The following UBE2Q2 variants were observed in gnomAD, a reference collection of about 807,000 sequenced individuals.
UBE2Q2 encodes ubiquitin-conjugating enzyme E2 Q2.
UBE2Q2 carries 54 observed loss-of-function variants against 59.9 expected under a neutral mutation model. That is an observed-to-expected ratio of 0.90 (90% CI 0.72 to 1.13). The LOEUF is 1.13. UBE2Q2 is among the 50% of genes most tolerant of loss of function. The probability of loss-of-function intolerance (pLI) is 0.00; values close to 1 mark genes in which losing one functional copy is unlikely to be tolerated. For synonymous variants in UBE2Q2, 165 were observed against 155.2 expected, an observed-to-expected ratio of 1.06 and a Z score of -0.47; for missense variants, 433 against 441.9, an observed-to-expected ratio of 0.98 and a Z score of 0.18.
At chr15:75,861,567 GTTCAT>G (rs1897210382) in intron 3 of UBE2Q2, among the ~76,000 whole-genome samples, 1 of 151,794 alleles carries the variant, frequency 6.6e-6, no homozygotes, top group Non-Finnish European at 1.5e-5. Flanking sequence ...CATTTTATTT[GTTCAT>G]TTTGAAGTGT....
intron 9 of UBE2Q2, among the ~76,000 whole-genome samples, chr15:75,885,642 T>C (rs1044749080): frequency 6.6e-6 from 1 of 152,212 alleles, no homozygotes; most frequent in African/African-American, 2.4e-5. Context: ...GTGATTCCCA[T>C]GTGTTTTCTG....
In UBE2Q2 at chr15:75,843,511, G is replaced by C. The variant is rs999218874; in HGVS notation, c.-156G>C. On this transcript the variant is annotated 5_prime_UTR_variant, in exon 1 of 13. Coordinates refer to ENST00000267938, the MANE Select transcript of UBE2Q2 (RefSeq NM_173469.4). ...ACACGCCGAGGCTTCCGCGCCCCTCGCCATTTTCCAGCAGCGCTCGACGAG... is the reference window on the plus strand; with the variant it reads ...ACACGCCGAGGCTTCCGCGCCCCTCCCCATTTTCCAGCAGCGCTCGACGAG... 1 of 367,508 alleles carries C rather than the reference G, an allele frequency of 2.7e-6. No homozygotes were observed. The allele number at this position is 367,508 out of a possible 1,614,324, so 22.8% of individuals were successfully genotyped here.
intron 11 of UBE2Q2, among the ~76,000 whole-genome samples, chr15:75,892,924 G>T (rs1482889986): frequency 2.0e-5 from 3 of 152,132 alleles, no homozygotes; most frequent in African/African-American, 7.2e-5. Context: ...CACCAGAAGA[G>T]AATTAATTGA....
chr15:75,844,259 C>G, intron 1 of UBE2Q2: 3 of 1,521,032 alleles, frequency 2.0e-6, no homozygotes, highest in East Asian at 4.9e-5. Context: ...GGGAACGGCC[C>G]TTAAGTTTTA....
rs1897641704 is a variant in UBE2Q2, at chr15:75,868,933, ATTCT to A, written c.388-13_388-10del. 1.9e-6 allele frequency: 3 copies of A among 1,612,350 alleles called. No homozygotes were observed. Among genetic ancestry groups the A allele is most frequent in the Non-Finnish European group, 2.5e-6 (3 of 1,178,750 alleles). On this transcript the variant is annotated splice_polypyrimidine_tract_variant and intron_variant, in intron 3 of 12. Coordinates refer to ENST00000267938, the MANE Select transcript of UBE2Q2 (RefSeq NM_173469.4). ...TATTTGTTCTGTATAGCCCTGGCAG[ATTCT>A]TTCTCTGTTTCAGAATGGGACAACA... is the stretch of plus-strand genomic sequence containing the variant.
intron 5 of UBE2Q2, among the ~76,000 whole-genome samples, chr15:75,873,974 C>G (rs965290290): frequency 6.6e-6 from 1 of 152,130 alleles, no homozygotes; most frequent in African/African-American, 2.4e-5. Flanking sequence ...GGATTACAGG[C>G]ATGAGCCACC....
chr15:75,873,921 C>A (rs1009237582), intron 5 of UBE2Q2, among the ~76,000 whole-genome samples: 12 of 152,108 alleles, frequency 7.9e-5, no homozygotes, highest in African/African-American at 2.7e-4. Context: ...TCTTGAACAC[C>A]TGAGTTCAAG....
At chr15:75,882,454 A>C (rs1445729570) in intron 8 of UBE2Q2, among the ~76,000 whole-genome samples, 1 of 152,200 alleles carries the variant, frequency 6.6e-6, no homozygotes, top group Non-Finnish European at 1.5e-5. Context: ...GAACTGTTTA[A>C]AATGAATTAA....
intron 1 of UBE2Q2, among the ~76,000 whole-genome samples, chr15:75,852,524 G>A (rs543095578): frequency 6.6e-6 from 1 of 152,236 alleles, no homozygotes; most frequent in Admixed American, 6.5e-5. Context: ...TGGTTTTGAG[G>A]GGTTTCAGTC....
chr15:75,896,363 A>T (rs72734547), intron 11 of UBE2Q2, among the ~76,000 whole-genome samples: 47,150 of 151,874 alleles, frequency 0.31, 8,252 homozygotes, highest in South Asian at 0.54. Context: ...TAGTGGATAG[A>T]TGGGTACCAC....
chr15:75,847,278 C>G (rs1222187841), intron 1 of UBE2Q2, among the ~76,000 whole-genome samples: 3 of 152,078 alleles, frequency 2.0e-5, no homozygotes, highest in Admixed American at 1.3e-4. Context: ...AAGAATTTGT[C>G]AAAAGTGCAG....
At chr15:75,858,595 G>A (rs1434828985) in intron 2 of UBE2Q2, among the ~76,000 whole-genome samples, 1 of 152,084 alleles carries the variant, frequency 6.6e-6, no homozygotes, top group African/African-American at 2.4e-5. Flanking sequence ...GTGTGTGGGG[G>A]AAGGGAGGAA....
At chr15:75,848,974 T>C (rs1178886060) in intron 1 of UBE2Q2, among the ~76,000 whole-genome samples, 1 of 152,222 alleles carries the variant, frequency 6.6e-6, no homozygotes. Flanking sequence ...CTCAGTTTGC[T>C]TACAATGATG....
At chr15:75,891,810 C>T (rs1899125900) in intron 11 of UBE2Q2, among the ~76,000 whole-genome samples, 1 of 152,120 alleles carries the variant, frequency 6.6e-6, no homozygotes, top group Non-Finnish European at 1.5e-5. Context: ...AGGTTTGTTA[C>T]CATGACTTTT....
At position 75,899,656 on chromosome 15, in the gene UBE2Q2, G is replaced by GAAAT; in HGVS notation, c.*199_*200insAATA. ...TTGCTCATTTTAGATATCTTGGACT[G>GAAAT]AGCAGTGGGGCCTTTACTGTATTTT... On this transcript the variant is annotated 3_prime_UTR_variant, in exon 13 of 13. Coordinates refer to ENST00000267938, the MANE Select transcript of UBE2Q2 (RefSeq NM_173469.4). 2.7e-6 allele frequency: 1 copy of GAAAT among 364,310 alleles called. No homozygotes were observed. The allele number at this position is 364,310 out of a possible 1,614,324, so 22.6% of individuals were successfully genotyped here.
intron 5 of UBE2Q2, 146 bp from the exon 6 acceptor site, chr15:75,876,041 G>C: frequency 1.4e-6 from 1 of 696,624 alleles, no homozygotes; most frequent in Non-Finnish European, 2.3e-6. Context: ...CTCCAGCCTG[G>C]GTAACAGGGC....
At chr15:75,870,478 A>C (rs1488824222) in intron 4 of UBE2Q2, among the ~76,000 whole-genome samples, 1 of 152,244 alleles carries the variant, frequency 6.6e-6, no homozygotes, top group Non-Finnish European at 1.5e-5. Context: ...AATAAACTGC[A>C]TGAAAACATT....
At position 75,854,486 on chromosome 15, in the gene UBE2Q2, T is replaced by C; in HGVS notation, c.281T>C (p.Leu94Ser). 6.2e-7 allele frequency: 1 copy of C among 1,602,540 alleles called. No individual in the cohort carries two copies. The highest frequency in any genetic ancestry group is 2.2e-5 in the East Asian group (1 of 44,642). ...CTAGAAGATACTAAGAACAACAATT[T>C]GGTAAGAAAATAAGCCAAGCTATTT... is the stretch of plus-strand genomic sequence containing the variant. ...ERLEDTKNNN[L>S]LRQQLKWLIC... The change falls in exon 2 of 13, where the codon TTG becomes TCG. Residue 94 changes from leucine to serine, a missense_variant and splice_region_variant. By Grantham distance (145) the Leu-to-Ser change is moderately radical (BLOSUM62 -2). Transcript: ENST00000267938.
At chr15:75,898,637 G>A (rs954128354) in intron 12 of UBE2Q2, among the ~76,000 whole-genome samples, 1 of 152,162 alleles carries the variant, frequency 6.6e-6, no homozygotes, top group Non-Finnish European at 1.5e-5. Context: ...TTTAGGCATA[G>A]TCATTTAGTC....
Sources: gnomAD v4.1 joint callset for allele counts (sites outside exome capture counted in the v4.1 genomes callset) on GRCh38, gnomAD v4.1.1 for gene constraint, MANE v1.5 for transcripts, NCBI Gene and HGNC (gene_info 2026-07-23, HGNC 2026-07-21) for gene names.